ADGRF5: variants seen among roughly 807,000 people sequenced by gnomAD.
ADGRF5 encodes the protein G-protein coupled receptor 116.
Under a neutral mutation model 132.3 loss-of-function variants are expected in ADGRF5, and 75 were observed. The observed-to-expected ratio is 0.57, with a 90% confidence interval of 0.47 to 0.69. The LOEUF (loss-of-function observed/expected upper bound fraction) is 0.69. Ranked by LOEUF, ADGRF5 falls within the 30% of genes least tolerant of loss-of-function variation. The probability of loss-of-function intolerance (pLI) is 0.00; values close to 1 mark genes in which losing one functional copy is unlikely to be tolerated. For synonymous variants in ADGRF5, 629 were observed against 597.6 expected (o/e 1.05, Z -0.77); for missense variants, 1,516 against 1,630.6 (o/e 0.93, Z 1.21).
In ADGRF5 at chr6:46,863,431, G is replaced by A. The variant is rs1770025192; in HGVS notation, c.1991-335C>T. On this transcript the variant is annotated intron_variant, in intron 14 of 20. Coordinates refer to ENST00000283296, the MANE Select transcript of ADGRF5 (RefSeq NM_001098518.2). ...GGCTAAGTAAATCGGAATCGTCAGA[G>A]CGGGATTTAGGCATCAGCAGGTTTT... 7.6e-5 allele frequency: 31 copies of A among 406,406 alleles called. 1 individual carries two copies. Among genetic ancestry groups the A allele is most frequent in the South Asian group, 6.0e-4 (31 of 51,650 alleles). 25.2% of individuals were successfully genotyped at this position (406,406 alleles called of 1,614,324 possible).
chr6:46,942,268 A>T (rs1778118304), intron 1 of ADGRF5, among the ~76,000 whole-genome samples: 1 of 151,896 alleles, frequency 6.6e-6, no homozygotes, highest in African/African-American at 2.4e-5. Context: ...CTCACACCCC[A>T]CCCCAGGGTA....
chr6:46,889,573 T>TAC (rs1773432524), intron 3 of ADGRF5, among the ~76,000 whole-genome samples: 1 of 138,474 alleles, frequency 7.2e-6, no homozygotes, highest in Non-Finnish European at 1.5e-5. Context: ...TGTGTGTATA[T>TAC]ATATATATAT....
chr6:46,938,203 A>G (rs1403713302), intron 1 of ADGRF5, among the ~76,000 whole-genome samples: 1 of 152,222 alleles, frequency 6.6e-6, no homozygotes, highest in East Asian at 1.9e-4. Context: ...AGTCTTTGCT[A>G]GAAGAATAAC....
chr6:46,892,973 G>T (rs1773801214), intron 3 of ADGRF5, among the ~76,000 whole-genome samples: 1 of 151,006 alleles, frequency 6.6e-6, no homozygotes. Context: ...TGTCTTTGAG[G>T]ATCTTTCATC....
intron 1 of ADGRF5, among the ~76,000 whole-genome samples, chr6:46,936,374 T>C (rs919388873): frequency 2.0e-5 from 3 of 152,226 alleles, no homozygotes; most frequent in African/African-American, 7.2e-5. Flanking sequence ...GTATCTTCTC[T>C]ATCTTTTCTT....
In ADGRF5 at chr6:46,865,160, G is replaced by A; in HGVS notation, c.1872C>T (p.His624=). 6.2e-7 allele frequency: 1 copy of A among 1,612,812 alleles called. No individual in the cohort carries two copies. Among genetic ancestry groups the A allele is most frequent in the Non-Finnish European group, 8.5e-7 (1 of 1,178,944 alleles). The change falls in exon 14 of 21, where the codon CAC becomes CAT. Residue 624 remains histidine (H), a synonymous_variant. Coordinates refer to ENST00000283296, the MANE Select transcript of ADGRF5 (RefSeq NM_001098518.2). ...AGGAAACTGAGCTTGCATTGAAATT[G>A]TGTTTGTAGCACACTTGTTTTTTGT... ...EVNKKQVCYK[H]NFNASSVSWC... is the part of the protein sequence containing the mutation.
rs190137258 is a variant in ADGRF5, at chr6:46,855,034, G to T, written c.3961+940C>A. 2.9e-3 allele frequency among the ~76,000 whole-genome samples: 447 copies of T among 152,316 alleles called. 1 individual carries two copies. The highest frequency in any genetic ancestry group is 0.024 in the Middle Eastern group (7 of 294). On this transcript the variant is annotated intron_variant, in intron 20 of 20. Transcript: ENST00000283296. ...TGTGAGATCTGTTCAGTTCCAAAAAGCTAGAAGAAATCCTGGGGCTTATTT... is the reference window on the plus strand; with the variant it reads ...TGTGAGATCTGTTCAGTTCCAAAAATCTAGAAGAAATCCTGGGGCTTATTT...
At chr6:46,919,251 G>A (rs1776688545) in intron 1 of ADGRF5, among the ~76,000 whole-genome samples, 1 of 152,114 alleles carries the variant, frequency 6.6e-6, no homozygotes, top group Non-Finnish European at 1.5e-5. Flanking sequence ...AAATGGGGCT[G>A]CAAAGACAGT....
upstream of ADGRF5, among the ~76,000 whole-genome samples, chr6:46,925,157 T>C (rs1777186791): frequency 6.6e-6 from 1 of 152,230 alleles, no homozygotes; most frequent in African/African-American, 2.4e-5. Flanking sequence ...ATCATTCATG[T>C]TGCTCCAGGC....
chr6:46,909,835 GT>G (rs796090300), intron 1 of ADGRF5, among the ~76,000 whole-genome samples: 75 of 145,952 alleles, frequency 5.1e-4, no homozygotes, highest in African/African-American at 1.1e-3. Flanking sequence ...AAACAAAAAA[GT>G]TTTTTTTTTT....
At chr6:46,877,320 T>C (rs1163729153) in intron 10 of ADGRF5, among the ~76,000 whole-genome samples, 1 of 26,064 alleles carries the variant, frequency 3.8e-5, no homozygotes, top group South Asian at 1.0e-3. Context: ...CTTCCTTCCT[T>C]CCTTCTTTCT....
intron 1 of ADGRF5, among the ~76,000 whole-genome samples, chr6:46,942,821 C>A (rs1561839919): frequency 6.6e-6 from 1 of 152,156 alleles, no homozygotes; most frequent in Non-Finnish European, 1.5e-5. Flanking sequence ...AAGTCCACAG[C>A]TGAGATCCCA....
At chr6:46,904,475 T>C (rs1775112985) in intron 2 of ADGRF5, among the ~76,000 whole-genome samples, 1 of 152,184 alleles carries the variant, frequency 6.6e-6, no homozygotes, top group Non-Finnish European at 1.5e-5. Context: ...TGATTCCACC[T>C]ACAGGAGTTA....
At chr6:46,931,091 C>T (rs143038378) in intron 1 of ADGRF5, among the ~76,000 whole-genome samples, 1 of 152,204 alleles carries the variant, frequency 6.6e-6, no homozygotes, top group African/African-American at 2.4e-5. Flanking sequence ...TACATAAAAA[C>T]TTCTAATCTT....
chr6:46,881,375 G>T (rs1772441919), intron 8 of ADGRF5, 80 bp downstream of exon 8: 1 of 1,252,026 alleles, frequency 8.0e-7, no homozygotes, highest in African/African-American at 1.5e-5. Context: ...GCTTCCCAGA[G>T]GACATTGTAG....
In ADGRF5 at chr6:46,860,607, G is replaced by A. The variant is rs1239519110; in HGVS notation, c.2379+108C>T. ...GCAGAACTATCCTGAGCACTGCTCT[G>A]GAAAAGACAGAGAAGCTGCAATGGG... On this transcript the variant is annotated intron_variant, in intron 16 of 20. Coordinates refer to ENST00000283296, the MANE Select transcript of ADGRF5 (RefSeq NM_001098518.2). 4.0e-6 allele frequency: 3 copies of A among 758,596 alleles called. No homozygotes were observed. The Admixed American group carries it at 6.6e-5, about 17-fold the overall frequency. The allele number at this position is 758,596 out of a possible 1,614,324, so 47.0% of individuals were successfully genotyped here. A position where few individuals can be genotyped will look rare whatever the true frequency, so the allele number is the denominator to read the frequency against.
At chr6:46,952,822 A>T (rs576210926) in intron 1 of ADGRF5, among the ~76,000 whole-genome samples, 2 of 152,316 alleles carry the variant, frequency 1.3e-5, no homozygotes, top group South Asian at 4.1e-4. Flanking sequence ...TAAATATAGC[A>T]ACTATCACTT....
intron 1 of ADGRF5, among the ~76,000 whole-genome samples, chr6:46,934,218 A>T (rs1777707316): frequency 6.6e-6 from 1 of 152,118 alleles, no homozygotes; most frequent in African/African-American, 2.4e-5. Flanking sequence ...ATACACACAC[A>T]TGCATGCACA....
chr6:46,900,134 C>T (rs1341206588), intron 2 of ADGRF5, 51 bp from the exon 3 acceptor site: 1 of 1,348,836 alleles, frequency 7.4e-7, no homozygotes. Flanking sequence ...GAAGTCTTTT[C>T]ACTGTGGCTC....
Sources: allele counts gnomAD v4.1 joint callset (sites outside exome capture counted in the v4.1 genomes callset), GRCh38; gene constraint gnomAD v4.1.1; transcripts MANE v1.5; gene names NCBI Gene and HGNC (gene_info 2026-07-23, HGNC 2026-07-21).